The following SLC28A3 variants were observed in gnomAD, a reference collection of about 807,000 sequenced individuals.
SLC28A3 encodes the protein concentrative Na(+)-nucleoside cotransporter 3.
Under a neutral mutation model 84.2 loss-of-function variants are expected in SLC28A3, and 68 were observed. The ratio of observed to expected loss-of-function variants is 0.81; its 90% CI spans 0.66 to 0.99. The LOEUF (loss-of-function observed/expected upper bound fraction) is 0.99. Among genes scored for constraint, SLC28A3 ranks in the 50% least tolerant of loss-of-function variants. The pLI is 0.00. For synonymous variants in SLC28A3, 267 were observed against 303.6 expected (o/e 0.88, Z 1.25); for missense variants, 712 against 841.5 (o/e 0.85, Z 1.90).
intron 17 of SLC28A3, among the ~76,000 whole-genome samples, chr9:84,278,810 TCTCACTTGTACTTGTGCTAA>T (rs1824620509): frequency 6.6e-6 from 1 of 151,660 alleles, no homozygotes; most frequent in Non-Finnish European, 1.5e-5. Flanking sequence ...GAATTTTGTA[TCTCACTTGTACTTGTGCTAA>T]TTTTGCTGGA....
intron 2 of SLC28A3, among the ~76,000 whole-genome samples, chr9:84,310,163 G>A (rs1381482475): frequency 3.3e-5 from 5 of 152,172 alleles, no homozygotes; most frequent in Non-Finnish European, 7.3e-5. Flanking sequence ...CCAAGGCTTG[G>A]TCTGTGAATA....
chr9:84,333,576 C>T lies in SLC28A3; in HGVS notation c.60+6998G>A, dbSNP rs537883549. 2.0e-5 allele frequency among the ~76,000 whole-genome samples: 3 copies of T among 152,042 alleles called. No homozygotes were observed. The South Asian group carries it at 6.3e-4, about 32-fold the overall frequency. On this transcript the variant is annotated intron_variant, in intron 1 of 17. Transcript: ENST00000376238. ...ATTTAAAAAGTTGGCATCTAACAACCAATAACAGGAAAATTTTAATTAAAC... is the reference window on the plus strand; with the variant it reads ...ATTTAAAAAGTTGGCATCTAACAACTAATAACAGGAAAATTTTAATTAAAC...
chr9:84,312,542 CTTTTTTTT>C (rs35691184), intron 2 of SLC28A3, among the ~76,000 whole-genome samples: 1 of 134,382 alleles, frequency 7.4e-6, no homozygotes, highest in Non-Finnish European at 1.6e-5. Flanking sequence ...CCCCAAATTC[CTTTTTTTT>C]TTTTTTTTTT....
At chr9:84,307,169 G>A (rs1825824454) in intron 3 of SLC28A3, among the ~76,000 whole-genome samples, 1 of 148,640 alleles carries the variant, frequency 6.7e-6, no homozygotes, top group Admixed American at 6.7e-5. Context: ...GGTGGCTCAA[G>A]CCTGTAATCT....
intron 10 of SLC28A3, 185 bp downstream of exon 10, chr9:84,292,483 C>T (rs1298872778): frequency 2.0e-6 from 1 of 499,946 alleles, no homozygotes; most frequent in South Asian, 2.7e-5. Context: ...CTGTCTCTCT[C>T]TCTCTCTCTC....
the SLC28A3 span, among the ~76,000 whole-genome samples, chr9:84,365,040 A>G: frequency 3.3e-5 from 5 of 152,308 alleles, no homozygotes; most frequent in East Asian, 5.8e-4. Context: ...TATACCCAGC[A>G]GTGGGATTGC....
chr9:84,290,709 T>C (rs1825178915), intron 10 of SLC28A3, among the ~76,000 whole-genome samples: 1 of 152,192 alleles, frequency 6.6e-6, no homozygotes, highest in Admixed American at 6.5e-5. Flanking sequence ...CAACTGACTC[T>C]ATGCAGTGGC....
chr9:84,352,468 C>T, the SLC28A3 span, among the ~76,000 whole-genome samples: 2 of 152,080 alleles, frequency 1.3e-5, no homozygotes, highest in Non-Finnish European at 2.9e-5. Flanking sequence ...CAGGCATGAG[C>T]CACTGCACCC....
In SLC28A3 at chr9:84,277,416, G is replaced by A. The variant is rs1824563109; in HGVS notation, c.*802C>T. On this transcript the variant is annotated 3_prime_UTR_variant, in exon 18 of 18. Transcript: ENST00000376238. ...TCATTTCCTAGCGGAAGATGAAAGA[G>A]CCATCATGTGGTTCCCACCTTTCTT... is the stretch of plus-strand genomic sequence containing the variant. The A allele has an allele frequency of 6.6e-6, 1 of 152,250 alleles. No homozygotes were observed. Among genetic ancestry groups the A allele is most frequent in the Non-Finnish European group, 1.5e-5 (1 of 68,054 alleles). The allele number at this position is 152,250 out of a possible 1,614,324, so 9.4% of individuals were successfully genotyped here.
chr9:84,332,158 A>G (rs1826814377), intron 1 of SLC28A3, among the ~76,000 whole-genome samples: 1 of 152,230 alleles, frequency 6.6e-6, no homozygotes. Context: ...TAATGACTTT[A>G]GAGCATAATA....
At chr9:84,365,572 G>C in the SLC28A3 span, among the ~76,000 whole-genome samples, 1 of 151,980 alleles carries the variant, frequency 6.6e-6, no homozygotes, top group Non-Finnish European at 1.5e-5. Flanking sequence ...AGAAATTTTC[G>C]CCCATAACAA....
intron 3 of SLC28A3, 68 bp from the exon 4 acceptor site, chr9:84,305,413 G>A: frequency 1.5e-6 from 2 of 1,301,824 alleles, no homozygotes; most frequent in South Asian, 1.2e-5. Flanking sequence ...TGCATGGTGA[G>A]GCTAGATTAA....
chr9:84,328,748 G>A (rs1408624957), intron 1 of SLC28A3, among the ~76,000 whole-genome samples: 4 of 151,810 alleles, frequency 2.6e-5, no homozygotes, highest in Non-Finnish European at 2.9e-5. Context: ...GACAGAGTGA[G>A]ACTCTAAAAA....
chr9:84,299,271 A>C (rs2118272304), intron 6 of SLC28A3, among the ~76,000 whole-genome samples: 1 of 152,282 alleles, frequency 6.6e-6, no homozygotes, highest in South Asian at 2.1e-4. Flanking sequence ...GTCTGGGGAA[A>C]TCTGGATCAA....
chr9:84,317,412 T>A (rs750086649), intron 1 of SLC28A3, among the ~76,000 whole-genome samples: 1 of 152,202 alleles, frequency 6.6e-6, no homozygotes, highest in Non-Finnish European at 1.5e-5. Flanking sequence ...ACAATAGTGG[T>A]CTTCCTGCCC....
chr9:84,314,593 C>T lies in SLC28A3; in HGVS notation c.61-1139G>A, dbSNP rs574588859. ...TTACTGAAACACAAGAATGAATAAACATGAAAAAAAAGTTACAGTACAAGA... is the reference window on the plus strand; with the variant it reads ...TTACTGAAACACAAGAATGAATAAATATGAAAAAAAAGTTACAGTACAAGA... On this transcript the variant is annotated intron_variant, in intron 1 of 17. Coordinates refer to ENST00000376238, the MANE Select transcript of SLC28A3 (RefSeq NM_001199633.2). 2.1e-5 allele frequency among the ~76,000 whole-genome samples: 3 copies of T among 145,682 alleles called. No individual in the cohort carries two copies. The South Asian group carries it at 6.4e-4, about 31-fold the overall frequency.
chr9:84,356,830 C>CAAAA, the SLC28A3 span, among the ~76,000 whole-genome samples: 10 of 149,226 alleles, frequency 6.7e-5, no homozygotes, highest in Non-Finnish European at 1.5e-4. Context: ...GACTCTGTCT[C>CAAAA]AAAAAAATAA....
chr9:84,279,986 G>C lies in SLC28A3; in HGVS notation c.1817C>G (p.Ala606Gly). The C allele has an allele frequency of 6.2e-7, 1 of 1,613,830 alleles. No individual in the cohort carries two copies. Among genetic ancestry groups the C allele is most frequent in the Non-Finnish European group, 8.5e-7 (1 of 1,179,982 alleles). ...ACAGGGTGCGGTACCTGCGATGCAGGCTGTCATGAAGCAGGCCACGGTCCC... is the reference window on the plus strand; with the variant it reads ...ACAGGGTGCGGTACCTGCGATGCAGCCTGTCATGAAGCAGGCCACGGTCCC... ...IAGTVACFMT[A>G]CIAGILSSTP... The change falls in exon 16 of 18, where the codon GCC becomes GGC. Residue 606 changes from alanine to glycine, a missense_variant. By Grantham distance (60) the Ala-to-Gly change is moderately conservative. Coordinates refer to ENST00000376238, the MANE Select transcript of SLC28A3 (RefSeq NM_001199633.2).
intron 2 of SLC28A3, among the ~76,000 whole-genome samples, chr9:84,311,547 C>T (rs1009648737): frequency 2.6e-5 from 4 of 152,090 alleles, no homozygotes; most frequent in Non-Finnish European, 4.4e-5. Context: ...ATACTAGTTT[C>T]ATGGCCCTAA....
Sources: allele counts gnomAD v4.1 joint callset (sites outside exome capture counted in the v4.1 genomes callset), GRCh38; gene constraint gnomAD v4.1.1; transcripts MANE v1.5; gene names NCBI Gene and HGNC (gene_info 2026-07-23, HGNC 2026-07-21).